FIRRM: variants seen among roughly 807,000 people sequenced by gnomAD.
The protein encoded by FIRRM is FIGNL1 interacting regulator of recombination and mitosis.
the FIRRM span, chr1:169,850,453 G>T: frequency 2.7e-6 from 2 of 750,588 alleles, no homozygotes; most frequent in Non-Finnish European, 4.4e-6. Context: ...ACTTTTCACA[G>T]TGCTGAGCAC....
the FIRRM span, among the ~76,000 whole-genome samples, chr1:169,808,711 C>T: frequency 1.3e-5 from 2 of 150,606 alleles, no homozygotes; most frequent in Non-Finnish European, 1.5e-5. Context: ...TTCAAGGGAT[C>T]GTTCTGCCTT....
At chr1:169,853,672 A>C in the FIRRM span, 1 of 1,603,628 alleles carries the variant, frequency 6.2e-7, no homozygotes, top group South Asian at 1.1e-5. Context: ...TTTTTTAAAA[A>C]AAGGGAATCC....
chr1:169,849,976 C>A, the FIRRM span: 1 of 479,114 alleles, frequency 2.1e-6, no homozygotes, highest in African/African-American at 1.9e-5. Flanking sequence ...TGGGTTGCTC[C>A]TTTACTCTTA....
the FIRRM span, among the ~76,000 whole-genome samples, chr1:169,840,542 G>A: frequency 0.14 from 20,939 of 148,456 alleles, 1,579 homozygotes; most frequent in Middle Eastern, 0.21. Context: ...ACGGAGTCTC[G>A]CACTGTCGCT....
chr1:169,811,037 T>C, the FIRRM span, among the ~76,000 whole-genome samples: 1 of 151,304 alleles, frequency 6.6e-6, no homozygotes, highest in South Asian at 2.1e-4. Context: ...TTTTTTTGTA[T>C]TTTTAGTAGA....
the FIRRM span, chr1:169,793,182 T>C: frequency 6.2e-7 from 1 of 1,614,178 alleles, no homozygotes; most frequent in Non-Finnish European, 8.5e-7. Flanking sequence ...AGGTCAAAGG[T>C]ACATTCCCAG....
At chr1:169,803,320 G>T in the FIRRM span, 30 of 1,612,562 alleles carry the variant, frequency 1.9e-5, 1 homozygote, top group Admixed American at 4.3e-4. Flanking sequence ...GTGAGTAAAG[G>T]TCTAATTATA....
chr1:169,791,005 T>C, the FIRRM span, among the ~76,000 whole-genome samples: 2 of 152,224 alleles, frequency 1.3e-5, no homozygotes, highest in Non-Finnish European at 2.9e-5. Context: ...GTGCGCAAGC[T>C]AGATCCCTCA....
At chr1:169,827,022 G>A in the FIRRM span, 2 of 1,603,846 alleles carry the variant, frequency 1.2e-6, no homozygotes. Context: ...AGCTATTAAT[G>A]AATGAGTTTT....
At chr1:169,853,878 G>GAAAC in the FIRRM span, 4 of 1,248,718 alleles carry the variant, frequency 3.2e-6, no homozygotes, top group East Asian at 2.3e-5. Flanking sequence ...TTTGATGCCA[G>GAAAC]AAACACTACC....
At chr1:169,799,931 C>T in the FIRRM span, among the ~76,000 whole-genome samples, 2 of 152,308 alleles carry the variant, frequency 1.3e-5, 1 homozygote, top group African/African-American at 4.8e-5. Flanking sequence ...GCGATCATAG[C>T]TCACTGCAGC....
At chr1:169,804,288 G>A in the FIRRM span, 1 of 1,240,928 alleles carries the variant, frequency 8.1e-7, no homozygotes, top group Non-Finnish European at 1.1e-6. Context: ...TATAAATCAT[G>A]TATCAATTAA....
At chr1:169,827,872 C>T in the FIRRM span, 13 of 1,608,286 alleles carry the variant, frequency 8.1e-6, no homozygotes, top group Admixed American at 1.7e-5. Context: ...AGTCATATTA[C>T]CAATGGTTAA....
chr1:169,817,717 T>G, the FIRRM span, among the ~76,000 whole-genome samples: 1 of 152,324 alleles, frequency 6.6e-6, no homozygotes, highest in African/African-American at 2.4e-5. Flanking sequence ...AGTATAAAAC[T>G]GTATAGACAA....
chr1:169,823,112 A>G, the FIRRM span, among the ~76,000 whole-genome samples: 1 of 152,018 alleles, frequency 6.6e-6, no homozygotes, highest in Non-Finnish European at 1.5e-5. Flanking sequence ...TTAGCCGGGC[A>G]TGGTGGTACA....
At chr1:169,830,334 C>T in the FIRRM span, 3 of 1,613,592 alleles carry the variant, frequency 1.9e-6, no homozygotes, top group Non-Finnish European at 2.5e-6. Context: ...ATGGTGCTTC[C>T]TTGCTCGGTA....
At chr1:169,806,482 C>T in the FIRRM span, among the ~76,000 whole-genome samples, 3 of 152,194 alleles carry the variant, frequency 2.0e-5, no homozygotes, top group Admixed American at 6.5e-5. Context: ...AAGTTGTTCA[C>T]ACTTAATTCC....
chr1:169,850,473 G>T, the FIRRM span: 5 of 627,378 alleles, frequency 8.0e-6, no homozygotes, highest in Non-Finnish European at 1.1e-5. Context: ...CAGTGCTGAC[G>T]ACTTTTACTA....
chr1:169,811,881 A>AT, the FIRRM span, among the ~76,000 whole-genome samples: 1 of 146,660 alleles, frequency 6.8e-6, no homozygotes, highest in Non-Finnish European at 1.5e-5. Context: ...AGATAGATAG[A>AT]TAGATAGATA....
Sources: allele counts gnomAD v4.1 joint callset (sites outside exome capture counted in the v4.1 genomes callset), GRCh38; gene constraint gnomAD v4.1.1; transcripts MANE v1.5; gene names NCBI Gene and HGNC (gene_info 2026-07-23, HGNC 2026-07-21).